Variants in SLC17A3 observed in about 807,000 individuals in gnomAD.
SLC17A3 encodes the protein sodium-dependent phosphate transport protein 4.
In SLC17A3, 61 loss-of-function variants were observed where a neutral mutation model predicts 60.3. The ratio of observed to expected loss-of-function variants is 1.01; its 90% CI spans 0.82 to 1.25. The LOEUF is 1.25. Among genes scored for constraint, SLC17A3 ranks in the 50% most tolerant of loss-of-function variants. The pLI, the probability that SLC17A3 is intolerant of heterozygous loss-of-function variation, is 0.00. For missense variants in SLC17A3, 624 were observed against 594.9 expected (o/e 1.05, Z -0.51); for synonymous variants, 192 against 208.9 (o/e 0.92, Z 0.70).
Position 25,861,696 on chromosome 6 carries a change from C to A in SLC17A3, c.553G>T (p.Gly185Cys). The change falls in exon 5 of 13, where the codon GGT becomes TGT. Residue 185 changes from glycine to cysteine, a missense_variant. Coordinates refer to ENST00000397060, the MANE Select transcript of SLC17A3 (RefSeq NM_001098486.2). ...QGLSQSSILG[G>C]QFAIWEKWGP... is the part of the protein sequence containing the mutation. ...CACTTTTCCCAAATTGCAAACTGACCCCCAAGTATTGAGGACTGAAATTAA... is the reference window on the plus strand; with the variant it reads ...CACTTTTCCCAAATTGCAAACTGACACCCAAGTATTGAGGACTGAAATTAA... The A allele has an allele frequency of 1.2e-6, 2 of 1,613,876 alleles. No individual in the cohort carries two copies. Among genetic ancestry groups the A allele is most frequent in the Non-Finnish European group, 8.5e-7 (1 of 1,179,836 alleles).
At chr6:25,870,522 T>C (rs2151528614) in intron 1 of SLC17A3, among the ~76,000 whole-genome samples, 1 of 152,062 alleles carries the variant, frequency 6.6e-6, no homozygotes, top group Admixed American at 6.6e-5. Context: ...AAATGCCAGG[T>C]TTCCATTCTG....
chr6:25,874,088 G>A (rs1297671339), intron 1 of SLC17A3, 79 bp downstream of exon 1: 1 of 152,004 alleles, frequency 6.6e-6, no homozygotes, highest in Admixed American at 6.6e-5. Context: ...TGGGGTTGGG[G>A]AGTATATAAA....
chr6:25,868,676 A>G (rs554907740), intron 1 of SLC17A3, among the ~76,000 whole-genome samples: 1 of 152,020 alleles, frequency 6.6e-6, no homozygotes, highest in Admixed American at 6.6e-5. Flanking sequence ...AGCATTCCCA[A>G]GTTCAAACTC....
rs765665724 is a variant in SLC17A3 at position 25,855,193 on chromosome 6, A to C, written c.663T>G (p.Gly221=). 2.5e-6 allele frequency: 4 copies of C among 1,613,796 alleles called. No individual in the cohort carries two copies. The South Asian group carries it at 4.4e-5, about 18-fold the overall frequency. Residue 221 remains glycine (G), a synonymous_variant, in exon 6 of 13, where the codon GGT becomes GGG. Transcript: ENST00000397060. ...ACCCAAGGGTTTCACTAATGAAGCC[A>C]CCTATGAGGATGGCAGTAAAGCATC... ...LLGCFTAILI[G]GFISETLGWP... is the part of the protein sequence containing the mutation.
intron 5 of SLC17A3, among the ~76,000 whole-genome samples, chr6:25,856,930 T>G (rs1765366913): frequency 6.6e-6 from 1 of 151,528 alleles, no homozygotes; most frequent in Non-Finnish European, 1.5e-5. Flanking sequence ...ATGCCTGTAA[T>G]CCCAGCACTT....
At chr6:25,866,170 G>T (rs546662706) in intron 2 of SLC17A3, among the ~76,000 whole-genome samples, 7 of 152,008 alleles carry the variant, frequency 4.6e-5, no homozygotes, top group African/African-American at 1.4e-4. Context: ...ATTACATTAT[G>T]TTATATAAGA....
rs776504543 is a variant in SLC17A3 at position 25,862,204 on chromosome 6, AG to A, written c.303+28del. The A allele has an allele frequency of 3.8e-6, 6 of 1,585,762 alleles. No homozygotes were observed. The Admixed American group carries it at 1.0e-4, about 27-fold the overall frequency. Reference sequence around the variant, plus strand: ...CAAGCAAATAAACAGCAAAAAGAAAAGCACAAATTTATATCTTATGTTGCTT... The same window carrying A: ...CAAGCAAATAAACAGCAAAAAGAAAACACAAATTTATATCTTATGTTGCTT... On this transcript the variant is annotated intron_variant, in intron 3 of 12. Transcript: ENST00000397060.
chr6:25,853,619 C>T (rs1055670879), intron 6 of SLC17A3, among the ~76,000 whole-genome samples: 8 of 151,732 alleles, frequency 5.3e-5, no homozygotes, highest in Admixed American at 3.3e-4. Flanking sequence ...GGAGTTTCAC[C>T]GTGTTAGCCA....
Position 25,850,163 on chromosome 6 carries a change from A to T in SLC17A3, c.1008T>A (p.Ser336=). 6.2e-7 allele frequency: 1 copy of T among 1,613,738 alleles called. No homozygotes were observed. The highest frequency in any genetic ancestry group is 8.5e-7 in the Non-Finnish European group (1 of 1,179,674). The change falls in exon 9 of 13, where the codon TCT becomes TCA. Residue 336 remains serine (S), a synonymous_variant. Coordinates refer to ENST00000397060, the MANE Select transcript of SLC17A3 (RefSeq NM_001098486.2). ...CCCAGGCAACAATAAAAGGAAGGGCAGATAGAAGTCCATTCTAAAGAGAAA... is the reference window on the plus strand; with the variant it reads ...CCCAGGCAACAATAAAAGGAAGGGCTGATAGAAGTCCATTCTAAAGAGAAA... ...HVNIRDNGLL[S]ALPFIVAWVI...
chr6:25,868,623 G>A, intron 1 of SLC17A3: 1 of 504,494 alleles, frequency 2.0e-6, no homozygotes, highest in South Asian at 2.3e-5. Context: ...AGGATCTAGA[G>A]TGCTCTTGGT....
At chr6:25,862,946 T>C (rs1038321142) in intron 2 of SLC17A3, among the ~76,000 whole-genome samples, 2 of 151,774 alleles carry the variant, frequency 1.3e-5, no homozygotes, top group Admixed American at 6.6e-5. Flanking sequence ...GCACTATATA[T>C]TATGTATAAT....
At chr6:25,869,075 T>C (rs1765587981) in intron 1 of SLC17A3, among the ~76,000 whole-genome samples, 1 of 151,996 alleles carries the variant, frequency 6.6e-6, no homozygotes, top group Non-Finnish European at 1.5e-5. Flanking sequence ...CATTCAAATC[T>C]CATATTATTA....
At chr6:25,865,158 G>A (rs1765514764) in intron 2 of SLC17A3, among the ~76,000 whole-genome samples, 1 of 152,028 alleles carries the variant, frequency 6.6e-6, no homozygotes, top group Non-Finnish European at 1.5e-5. Flanking sequence ...TGTAGCTCAT[G>A]TGTCTATGCT....
chr6:25,850,568 G>T lies in SLC17A3; in HGVS notation c.884C>A (p.Pro295His), dbSNP rs1413592167. The change falls in exon 8 of 13, where the codon CCC (proline) becomes CAC (histidine). Residue 295 changes from proline (P) to histidine (H), a missense_variant. Transcript: ENST00000397060. ...LPIKAMLRSL[P>H]IWSICLGCFS... ...ACAGCCTAAACATATGGACCAAATG[G>T]GTAGAGATCTGAGCATAGCTTTGAT... 2.5e-6 allele frequency: 4 copies of T among 1,613,948 alleles called. No homozygotes were observed.
chr6:25,848,125 C>G (rs909639080), intron 11 of SLC17A3, among the ~76,000 whole-genome samples: 1 of 152,160 alleles, frequency 6.6e-6, no homozygotes, highest in Admixed American at 6.5e-5. Context: ...ATGTATACCA[C>G]AGTTTCTTTA....
At position 25,868,303 on chromosome 6, in the gene SLC17A3, TG is replaced by T. The variant is rs763080367; in HGVS notation, c.84del (p.Arg29GlyfsTer13). On this transcript the variant is annotated frameshift_variant, in exon 2 of 13. Transcript: ENST00000397060. LOFTEE classifies it high-confidence loss of function. Reference protein sequence around the residue: ...QDMQVDETLIPRKVPSLCSAR... With the variant: ...QDMQVDETLIXRKVPSLCSAR... ...CAGTTGAGGTCAAATTTACCTTTCC[TG>T]GGGATCAGTGTCTCATCCACTTGCA... 1 of 1,611,546 alleles carries T rather than the reference TG, an allele frequency of 6.2e-7. No individual in the cohort carries two copies. Among genetic ancestry groups the T allele is most frequent in the Non-Finnish European group, 8.5e-7 (1 of 1,178,230 alleles).
At chr6:25,858,925 T>G (rs1561857154) in intron 5 of SLC17A3, among the ~76,000 whole-genome samples, 1 of 152,208 alleles carries the variant, frequency 6.6e-6, no homozygotes, top group Non-Finnish European at 1.5e-5. Context: ...CTAAAGTGTA[T>G]TTGTTTTGTT....
intron 5 of SLC17A3, among the ~76,000 whole-genome samples, chr6:25,856,037 A>G (rs1261287321): frequency 6.6e-6 from 1 of 152,204 alleles, no homozygotes; most frequent in Non-Finnish European, 1.5e-5. Context: ...TTTCTGCACA[A>G]TAGAATAGCA....
intron 1 of SLC17A3, among the ~76,000 whole-genome samples, chr6:25,873,844 A>C (rs1283112677): frequency 6.6e-6 from 1 of 152,090 alleles, no homozygotes; most frequent in Non-Finnish European, 1.5e-5. Flanking sequence ...AAGAGATGAT[A>C]TTTGTTCAGA....
Sources: allele counts gnomAD v4.1 joint callset (sites outside exome capture counted in the v4.1 genomes callset), GRCh38; gene constraint gnomAD v4.1.1; transcripts MANE v1.5; gene names NCBI Gene and HGNC (gene_info 2026-07-23, HGNC 2026-07-21).